The following LARS2 variants were observed in gnomAD, a reference collection of about 807,000 sequenced individuals.
LARS2 encodes the protein leucyl-tRNA synthetase 2, mitochondrial.
LARS2 carries 81 observed loss-of-function variants against 116.6 expected under a neutral mutation model. The ratio of observed to expected loss-of-function variants is 0.69; its 90% CI spans 0.58 to 0.84. LARS2 has a LOEUF of 0.84. Among genes scored for constraint, LARS2 ranks in the 40% least tolerant of loss-of-function variants. The pLI, the probability that LARS2 is intolerant of heterozygous loss-of-function variation, is 0.00. For synonymous variants in LARS2, 396 were observed against 407.2 expected (o/e 0.97, Z 0.33); for missense variants, 968 against 1,114.5 (o/e 0.87, Z 1.87).
At chr3:45,462,730 T>G (rs1374047228) in intron 8 of LARS2, among the ~76,000 whole-genome samples, 2 of 152,324 alleles carry the variant, frequency 1.3e-5, no homozygotes, top group Non-Finnish European at 2.9e-5. Context: ...TGCAGCTCTG[T>G]GGGCTGCCTC....
intron 4 of LARS2, among the ~76,000 whole-genome samples, chr3:45,412,053 G>C (rs1178812047): frequency 1.3e-5 from 2 of 152,148 alleles, no homozygotes; most frequent in Admixed American, 6.5e-5. Context: ...AGTATTCTAT[G>C]CTGTAAACGT....
At chr3:45,506,015 C>G (rs1048096999) in intron 15 of LARS2, among the ~76,000 whole-genome samples, 1 of 152,054 alleles carries the variant, frequency 6.6e-6, no homozygotes, top group South Asian at 2.1e-4. Flanking sequence ...TGCAGATCCT[C>G]CAGGTAACAC....
intron 8 of LARS2, among the ~76,000 whole-genome samples, chr3:45,459,413 C>T (rs983218722): frequency 6.6e-6 from 1 of 152,136 alleles, no homozygotes; most frequent in Non-Finnish European, 1.5e-5. Context: ...AAGAGATGGC[C>T]GGCCTCCATG....
At chr3:45,445,855 C>A (rs1699009675) in intron 6 of LARS2, among the ~76,000 whole-genome samples, 1 of 152,198 alleles carries the variant, frequency 6.6e-6, no homozygotes, top group Admixed American at 6.5e-5. Context: ...GAAGCTGTCT[C>A]ATTTATTCAT....
At chr3:45,453,817 A>G (rs1699173389) in intron 7 of LARS2, among the ~76,000 whole-genome samples, 1 of 152,216 alleles carries the variant, frequency 6.6e-6, no homozygotes, top group South Asian at 2.1e-4. Flanking sequence ...GCCTTCTGGA[A>G]CCTGAAGCTG....
intron 10 of LARS2, among the ~76,000 whole-genome samples, chr3:45,484,614 A>ATATATATAT (rs1326371523): frequency 7.1e-5 from 1 of 14,010 alleles, no homozygotes; most frequent in Non-Finnish European, 2.6e-4. Flanking sequence ...AAAAAAAAAA[A>ATATATATAT]AAAAAAAAAA....
chr3:45,542,517 G>T (rs1017418966), intron 21 of LARS2, among the ~76,000 whole-genome samples: 2 of 152,214 alleles, frequency 1.3e-5, no homozygotes. Flanking sequence ...TGTTTAATTT[G>T]TTAAATGAGA....
intron 14 of LARS2, among the ~76,000 whole-genome samples, chr3:45,498,583 G>A (rs1700058168): frequency 6.6e-6 from 1 of 152,168 alleles, no homozygotes; most frequent in Non-Finnish European, 1.5e-5. Context: ...CTTTTTTCTA[G>A]CCTCAAAGCT....
chr3:45,476,089 C>G lies in LARS2; in HGVS notation c.859-379C>G, dbSNP rs181277135. 7.9e-4 allele frequency among the ~76,000 whole-genome samples: 117 copies of G among 147,760 alleles called. 1 individual carries two copies. Among genetic ancestry groups the G allele is most frequent in the African/African-American group, 2.8e-3 (112 of 40,134 alleles). On this transcript the variant is annotated intron_variant, in intron 9 of 21. Coordinates refer to ENST00000645846, the MANE Select transcript of LARS2 (RefSeq NM_015340.4). ...CTTTTTTTTTTTTTTTTACCGTACCCTTATATCCTTGAAGAAAATATAGCT... is the reference window on the plus strand; with the variant it reads ...CTTTTTTTTTTTTTTTTACCGTACCGTTATATCCTTGAAGAAAATATAGCT...
intron 5 of LARS2, among the ~76,000 whole-genome samples, chr3:45,418,252 GAGAC>G (rs1698461725): frequency 1.3e-5 from 2 of 152,232 alleles, no homozygotes; most frequent in South Asian, 4.1e-4. Flanking sequence ...ACCCCTTAGA[GAGAC>G]AGAAGGGCAG....
At chr3:45,536,493 C>T (rs1444448852) in intron 20 of LARS2, among the ~76,000 whole-genome samples, 2 of 152,236 alleles carry the variant, frequency 1.3e-5, no homozygotes, top group Non-Finnish European at 2.9e-5. Context: ...GCAGGCATTC[C>T]TCCTGCTGTG....
chr3:45,498,129 C>A (rs1700049083), intron 14 of LARS2, among the ~76,000 whole-genome samples: 1 of 152,188 alleles, frequency 6.6e-6, no homozygotes, highest in South Asian at 2.1e-4. Flanking sequence ...CAGGCTCTTT[C>A]CTTTCTCAGA....
chr3:45,442,021 A>G (rs1425384177), intron 6 of LARS2, among the ~76,000 whole-genome samples: 1 of 152,248 alleles, frequency 6.6e-6, no homozygotes. Context: ...GCTCAGGAAG[A>G]TATAAAAGTT....
intron 11 of LARS2, among the ~76,000 whole-genome samples, chr3:45,486,501 C>G (rs945566142): frequency 6.6e-6 from 1 of 152,192 alleles, no homozygotes; most frequent in Admixed American, 6.5e-5. Context: ...TTCCAACATT[C>G]CTACTGTAGA....
chr3:45,476,389 G>A, intron 9 of LARS2, 79 bp from the exon 10 acceptor site: 1 of 1,449,658 alleles, frequency 6.9e-7, no homozygotes, highest in Non-Finnish European at 9.6e-7. Context: ...GGAGGGAAGG[G>A]GAAGGGGATA....
intron 13 of LARS2, among the ~76,000 whole-genome samples, chr3:45,494,101 G>A (rs1198136234): frequency 4.6e-5 from 7 of 152,222 alleles, no homozygotes; most frequent in Non-Finnish European, 1.0e-4. Context: ...TGGGTTCCCC[G>A]AGGGCTCTCT....
rs746944332 is a variant in LARS2, at chr3:45,524,043, C to T, written c.2339C>T (p.Ala780Val). ...CTCCACAGCCCCGAGTTTGAGGATG[C>T]TTTGTGTGCCCTGATGGTAATGGCT... ...VILHSPEFED[A>V]LCALMVMAAP... is the part of the protein sequence containing the mutation. Residue 780 changes from alanine (A) to valine (V), a missense_variant, in exon 20 of 22, where the codon GCT (alanine) becomes GTT (valine). Ala to Val is a moderately conservative substitution (Grantham distance 64). Coordinates refer to ENST00000645846, the MANE Select transcript of LARS2 (RefSeq NM_015340.4). 2.8e-5 allele frequency: 45 copies of T among 1,613,930 alleles called. No individual in the cohort carries two copies. The South Asian group carries it at 4.9e-4, about 18-fold the overall frequency.
intron 10 of LARS2, among the ~76,000 whole-genome samples, chr3:45,481,213 A>T (rs1382539021): frequency 6.6e-6 from 1 of 152,138 alleles, no homozygotes; most frequent in East Asian, 1.9e-4. Flanking sequence ...TTTTATTTCC[A>T]AATAATCCTC....
chr3:45,531,236 AC>A lies in LARS2; in HGVS notation c.2404+7129del, dbSNP rs557985333. 1.6e-3 allele frequency among the ~76,000 whole-genome samples: 236 copies of A among 151,740 alleles called. 2 individuals carry two copies. Among genetic ancestry groups the A allele is most frequent in the African/African-American group, 5.5e-3 (226 of 41,330 alleles). ...GATCAGTTAAGAAAAATATATGTAGACTGATAAAAAACTATAAGAAAGAATT... is the reference window on the plus strand; with the variant it reads ...GATCAGTTAAGAAAAATATATGTAGATGATAAAAAACTATAAGAAAGAATT... On this transcript the variant is annotated intron_variant, in intron 20 of 21. Coordinates refer to ENST00000645846, the MANE Select transcript of LARS2 (RefSeq NM_015340.4).
Sources: allele counts gnomAD v4.1 joint callset (sites outside exome capture counted in the v4.1 genomes callset), GRCh38; gene constraint gnomAD v4.1.1; transcripts MANE v1.5; gene names NCBI Gene and HGNC (gene_info 2026-07-23, HGNC 2026-07-21).